CSMD1: variants seen among roughly 807,000 people sequenced by gnomAD.
The protein encoded by CSMD1 is CUB and Sushi multiple domains 1.
A neutral mutation model predicts 417.5 loss-of-function variants in CSMD1; 213 were observed. The observed-to-expected ratio is 0.51, with a 90% CI of 0.46 to 0.57. The LOEUF is 0.57. CSMD1 is among the 20% of genes least tolerant of loss of function. The pLI, the probability that CSMD1 is intolerant of heterozygous loss-of-function variation, is 0.00. For missense variants in CSMD1, 6,923 were observed against 4,529.7 expected (o/e 1.53, Z -15.17); for synonymous variants, 2,862 against 1,736.8 (o/e 1.65, Z -16.11).
chr8:4,045,358 C>A (rs555575713), intron 3 of CSMD1, among the ~76,000 whole-genome samples: 1 of 152,112 alleles, frequency 6.6e-6, no homozygotes, highest in Non-Finnish European at 1.5e-5. Context: ...AGCAGACGAA[C>A]GGTTTCAAGG....
intron 5 of CSMD1, among the ~76,000 whole-genome samples, chr8:3,915,624 A>G (rs1808765374): frequency 6.6e-6 from 1 of 151,446 alleles, no homozygotes; most frequent in Non-Finnish European, 1.5e-5. Flanking sequence ...AGCTTATCAT[A>G]TAATTATATA....
At chr8:4,617,893 C>T (rs147776173) in intron 2 of CSMD1, among the ~76,000 whole-genome samples, 88 of 152,262 alleles carry the variant, frequency 5.8e-4, no homozygotes, top group Non-Finnish European at 1.0e-3. Flanking sequence ...GAACCTGGAC[C>T]AATGCCTGGG....
intron 3 of CSMD1, among the ~76,000 whole-genome samples, chr8:4,307,682 T>A (rs1412214483): frequency 6.6e-6 from 1 of 152,080 alleles, no homozygotes; most frequent in African/African-American, 2.4e-5. Context: ...AATTTGTTGG[T>A]GACTTTGCAA....
At chr8:4,152,784 AT>A (rs1335098061) in intron 3 of CSMD1, among the ~76,000 whole-genome samples, 1 of 152,112 alleles carries the variant, frequency 6.6e-6, no homozygotes, top group African/African-American at 2.4e-5. Context: ...ATATGCATGC[AT>A]TTTTATGGGA....
At chr8:4,554,864 G>T (rs1438718093) in intron 2 of CSMD1, among the ~76,000 whole-genome samples, 1 of 152,162 alleles carries the variant, frequency 6.6e-6, no homozygotes, top group African/African-American at 2.4e-5. Context: ...AAGATAAATA[G>T]AAGGTTGCCA....
chr8:4,767,890 C>A (rs117240331), intron 1 of CSMD1, among the ~76,000 whole-genome samples: 1,568 of 152,270 alleles, frequency 0.01, 11 homozygotes, highest in East Asian at 0.05. Context: ...AGTGTAGGCA[C>A]ATCTTATTGT....
chr8:4,469,491 G>T (rs1204101415), intron 2 of CSMD1, among the ~76,000 whole-genome samples: 1 of 152,194 alleles, frequency 6.6e-6, no homozygotes, highest in African/African-American at 2.4e-5. Context: ...AAACAGGTGA[G>T]TAGATTTTAC....
chr8:4,885,814 A>T (rs1563674931), intron 1 of CSMD1, among the ~76,000 whole-genome samples: 1 of 151,990 alleles, frequency 6.6e-6, no homozygotes, highest in African/African-American at 2.4e-5. Flanking sequence ...GAGGAAATCC[A>T]ATTTATATAT....
intron 1 of CSMD1, among the ~76,000 whole-genome samples, chr8:4,838,031 G>A (rs977855300): frequency 1.3e-5 from 2 of 152,216 alleles, no homozygotes; most frequent in Non-Finnish European, 2.9e-5. Context: ...GGAGCTAACT[G>A]CAGGCAAGGC....
At chr8:4,358,347 A>T (rs1325162660) in intron 3 of CSMD1, among the ~76,000 whole-genome samples, 1 of 152,214 alleles carries the variant, frequency 6.6e-6, no homozygotes, top group Non-Finnish European at 1.5e-5. Context: ...CCATGAGCTT[A>T]GAATGATTTT....
At chr8:3,661,644 C>A (rs779515590) in intron 7 of CSMD1, among the ~76,000 whole-genome samples, 3 of 152,192 alleles carry the variant, frequency 2.0e-5, no homozygotes, top group African/African-American at 4.8e-5. Context: ...TTACAGGTAT[C>A]CACCATCTCG....
chr8:3,388,919 A>ATG lies in CSMD1; in HGVS notation c.2594-1238_2594-1237insCA, dbSNP rs1811177149. 5.9e-5 allele frequency among the ~76,000 whole-genome samples: 3 copies of ATG among 50,728 alleles called. No homozygotes were observed. In the Admixed American group the frequency reaches 6.6e-4, roughly 11 times the overall value. 33.3% of individuals were successfully genotyped at this position (50,728 alleles called of 152,430 possible). On this transcript the variant is annotated intron_variant, in intron 17 of 69. Transcript: ENST00000635120. Reference sequence around the variant, plus strand: ...CATACACACACACACACACACACACACACACACACACACACACACACATTC... The same window carrying ATG: ...CATACACACACACACACACACACACATGCACACACACACACACACACACATTC...
intron 3 of CSMD1, among the ~76,000 whole-genome samples, chr8:4,174,303 C>T (rs77280104): frequency 0.011 from 1,701 of 152,244 alleles, 31 homozygotes; most frequent in African/African-American, 0.039. Flanking sequence ...TTTTAAAGGT[C>T]ATCCACTACA....
chr8:3,581,946 A>G (rs955765231), intron 9 of CSMD1, among the ~76,000 whole-genome samples: 7 of 152,150 alleles, frequency 4.6e-5, no homozygotes, highest in Admixed American at 2.6e-4. Flanking sequence ...CTGGGATTAT[A>G]GGCATGCACC....
chr8:2,970,393 G>C (rs1441311457), intron 57 of CSMD1, among the ~76,000 whole-genome samples: 1 of 152,180 alleles, frequency 6.6e-6, no homozygotes, highest in African/African-American at 2.4e-5. Context: ...CTTTCTGGGA[G>C]TGTCAGAGTC....
intron 7 of CSMD1, among the ~76,000 whole-genome samples, chr8:3,680,991 C>T (rs1799630738): frequency 6.6e-6 from 1 of 152,140 alleles, no homozygotes; most frequent in Non-Finnish European, 1.5e-5. Context: ...TTCAACAGCC[C>T]TTCATGCTAA....
At chr8:3,213,049 A>T (rs1258828409) in intron 30 of CSMD1, among the ~76,000 whole-genome samples, 1 of 151,238 alleles carries the variant, frequency 6.6e-6, no homozygotes, top group Non-Finnish European at 1.5e-5. Context: ...ATGGTCTCGA[A>T]CTCCTGACCT....
At chr8:4,056,650 G>C (rs1001936131) in intron 3 of CSMD1, among the ~76,000 whole-genome samples, 1 of 151,676 alleles carries the variant, frequency 6.6e-6, no homozygotes, top group African/African-American at 2.4e-5. Flanking sequence ...TCATCATTTA[G>C]CATTAGGTAT....
rs532727477 is a variant in CSMD1 at position 4,253,003 on chromosome 8, G to A, written c.415+166950C>T. ...GCCTATGAGTTTTAAAGCCAATGTC[G>A]GATTATCGGTACCAGCAGCTGAACA... On this transcript the variant is annotated intron_variant, in intron 3 of 69. Transcript: ENST00000635120. Among the ~76,000 whole-genome samples, 10 of 152,206 alleles carry A rather than the reference G, an allele frequency of 6.6e-5. 1 individual carries two copies. In the East Asian group the frequency reaches 7.7e-4, roughly 12 times the overall value.
Sources: allele counts gnomAD v4.1 joint callset (sites outside exome capture counted in the v4.1 genomes callset), GRCh38; gene constraint gnomAD v4.1.1; transcripts MANE v1.5; gene names NCBI Gene and HGNC (gene_info 2026-07-23, HGNC 2026-07-21).